Variants in PLAT observed in about 807,000 individuals in gnomAD.
PLAT encodes plasminogen activator, tissue type.
A neutral mutation model predicts 74.9 loss-of-function variants in PLAT; 48 were observed. The ratio of observed to expected loss-of-function variants is 0.64; its 90% CI spans 0.51 to 0.82. The LOEUF is 0.82. Ranked by LOEUF, PLAT falls within the 40% of genes least tolerant of loss-of-function variation. The pLI is 0.00. For missense variants in PLAT, 673 were observed against 736.2 expected (o/e 0.91, Z 0.99); for synonymous variants, 307 against 294.4 (o/e 1.04, Z -0.44).
rs769304040 is a variant in PLAT at position 42,191,231 on chromosome 8, G to GTC, written c.115+140_115+141insGA. The stretch of plus-strand genomic sequence containing the variant: ...GAATGGTGCCGACACAGGCATCTCT[G>GTC]TAGAATCATGCTGCAATGGCACTGT... On this transcript the variant is annotated intron_variant, in intron 3 of 13. Coordinates refer to ENST00000220809, the MANE Select transcript of PLAT (RefSeq NM_000930.5). 1.5e-4 allele frequency: 111 copies of GTC among 725,482 alleles called. 1 individual carries two copies. The Middle Eastern group carries it at 3.4e-3, about 22-fold the overall frequency. The allele number at this position is 725,482 out of a possible 1,614,324, so 44.9% of individuals were successfully genotyped here.
intron 1 of PLAT, chr8:42,193,525 A>C: frequency 2.1e-5 from 5 of 233,954 alleles, no homozygotes; most frequent in Non-Finnish European, 3.4e-5. Context: ...CCTAACTGAA[A>C]CTCTGTAGCC....
chr8:42,180,416 TG>T, intron 10 of PLAT, 38 bp from the exon 11 acceptor site: 1 of 1,613,942 alleles, frequency 6.2e-7, no homozygotes, highest in Non-Finnish European at 8.5e-7. Flanking sequence ...TTTTTTGCTG[TG>T]GGATTTCCCC....
intron 1 of PLAT, among the ~76,000 whole-genome samples, chr8:42,203,986 TATATATACAC>T (rs1448628237): frequency 3.3e-5 from 4 of 120,054 alleles, no homozygotes; most frequent in African/African-American, 2.2e-4. Flanking sequence ...TATATATATA[TATATATACAC>T]ACACACACAC....
Position 42,203,037 on chromosome 8 carries a change from G to A in PLAT, c.-27+4457C>T, listed in dbSNP as rs1806195498. ...CTCTTCTGCCAGGGTGTCCTGGGAG[G>A]ACGTGTGCTTTGGAATCTCTGAGTG... On this transcript the variant is annotated intron_variant, in intron 1 of 13. Transcript: ENST00000220809. Among the ~76,000 whole-genome samples the A allele has an allele frequency of 1.3e-5, 2 of 152,186 alleles. 1 individual carries two copies. The highest frequency in any genetic ancestry group is 4.1e-4 in the South Asian group (2 of 4,822).
intron 5 of PLAT, 97 bp downstream of exon 5, chr8:42,187,809 C>G: frequency 1.1e-6 from 1 of 914,014 alleles, no homozygotes; most frequent in Non-Finnish European, 1.8e-6. Flanking sequence ...TGGCCCCCAC[C>G]CCTGGCCCTG....
At chr8:42,189,877 G>T (rs2129758099) in intron 3 of PLAT, among the ~76,000 whole-genome samples, 1 of 151,484 alleles carries the variant, frequency 6.6e-6, no homozygotes, top group African/African-American at 2.4e-5. Context: ...GGGGTTACAG[G>T]CATGAGCCAC....
At chr8:42,187,711 C>T in intron 5 of PLAT, 139 bp from the exon 6 acceptor site, 1 of 867,572 alleles carries the variant, frequency 1.2e-6, no homozygotes, top group Non-Finnish European at 1.7e-6. Flanking sequence ...GGCAAGGGTG[C>T]CAGCCTGGAT....
At chr8:42,204,816 G>A (rs1310345695) in intron 1 of PLAT, among the ~76,000 whole-genome samples, 2 of 151,170 alleles carry the variant, frequency 1.3e-5, no homozygotes, top group African/African-American at 4.9e-5. Context: ...TCAGGAGTTC[G>A]AGACCAGCCT....
intron 4 of PLAT, 104 bp downstream of exon 4, chr8:42,188,830 G>C: frequency 1.1e-6 from 1 of 926,962 alleles, no homozygotes; most frequent in Non-Finnish European, 1.7e-6. Flanking sequence ...TGCTATGTTT[G>C]CCCAGATTGG....
rs1174453115 is a variant in PLAT at position 42,187,575 on chromosome 8, G to T, written c.365-3C>A. 3 of 1,589,036 alleles carry T rather than the reference G, an allele frequency of 1.9e-6. No individual in the cohort carries two copies. The Admixed American group carries it at 5.1e-5, about 27-fold the overall frequency. ...CTCGTAGCACGTGGCCCTGGTATCT[G>T]ACAGAGAGCAGGGCATGGATGCCTC... On this transcript the variant is annotated splice_region_variant and splice_polypyrimidine_tract_variant and intron_variant, in intron 5 of 13. Coordinates refer to ENST00000220809, the MANE Select transcript of PLAT (RefSeq NM_000930.5).
chr8:42,177,679 A>G (rs1344109608), intron 13 of PLAT, among the ~76,000 whole-genome samples: 2 of 152,250 alleles, frequency 1.3e-5, no homozygotes, highest in East Asian at 3.8e-4. Flanking sequence ...ATTGAATTAA[A>G]ATGATTTGGT....
intron 6 of PLAT, 169 bp downstream of exon 6, chr8:42,187,229 T>C (rs1805513993): frequency 1.9e-6 from 1 of 524,496 alleles, no homozygotes; most frequent in African/African-American, 1.9e-5. Context: ...CTATCATCTA[T>C]CAATCTATCA....
Position 42,175,910 on chromosome 8 carries a change from A to G in PLAT, c.*83T>C. On this transcript the variant is annotated 3_prime_UTR_variant, in exon 14 of 14. Transcript: ENST00000220809. The stretch of plus-strand genomic sequence containing the variant: ...GTGTGGTGGGTCTGGAGAAGTCTGT[A>G]GAGAAGCACTGCGCCTTTGCAGTGT... The G allele has an allele frequency of 7.1e-7, 1 of 1,399,220 alleles. No individual in the cohort carries two copies. The highest frequency in any genetic ancestry group is 1.4e-5 in the African/African-American group (1 of 71,064). 86.7% of individuals were successfully genotyped at this position (1,399,220 alleles called of 1,614,324 possible).
rs1805596434 is a variant in PLAT, at chr8:42,189,179, A to T, written c.116-108T>A. ...CCCTCACTTGCTTTCTATAGACTCC[A>T]TTGCATACTCCCTTATTGAAGAGAC... On this transcript the variant is annotated intron_variant, in intron 3 of 13. Coordinates refer to ENST00000220809, the MANE Select transcript of PLAT (RefSeq NM_000930.5). The T allele has an allele frequency of 2.4e-5, 26 of 1,068,964 alleles. No homozygotes were observed. The South Asian group carries it at 3.4e-4, about 14-fold the overall frequency. The allele number at this position is 1,068,964 out of a possible 1,614,324, so 66.2% of individuals were successfully genotyped here.
chr8:42,203,992 T>TATATATATATATATATATACACACAC (rs1554499838), intron 1 of PLAT, among the ~76,000 whole-genome samples: 41 of 109,828 alleles, frequency 3.7e-4, no homozygotes, highest in African/African-American at 1.9e-3. Context: ...TATATATATA[T>TATATATATATATATATATACACACAC]ACACACACAC....
Position 42,180,079 on chromosome 8 carries a change from AAGG to A in PLAT, c.1223-16_1223-14del, listed in dbSNP as rs755692790. On this transcript the variant is annotated splice_polypyrimidine_tract_variant and intron_variant, in intron 11 of 13. Transcript: ENST00000220809. Reference sequence around the variant, plus strand: ...AGCTGCAGCAGCGCTGGGAGGGAGAAAGGAGGAGTGAGCTGGCGTGAGGGCCGC... The same window carrying A: ...AGCTGCAGCAGCGCTGGGAGGGAGAAAGGAGTGAGCTGGCGTGAGGGCCGC... The A allele has an allele frequency of 1.2e-5, 20 of 1,601,236 alleles. No homozygotes were observed. Among genetic ancestry groups the A allele is most frequent in the Admixed American group, 5.1e-5 (3 of 59,318 alleles).
intron 1 of PLAT, among the ~76,000 whole-genome samples, chr8:42,199,647 TG>T (rs1472451463): frequency 4.0e-5 from 6 of 151,858 alleles, no homozygotes. Context: ...TTTGGAGGAG[TG>T]GGGAATTTTG....
At chr8:42,182,194 G>T (rs977630612) in intron 8 of PLAT, 172 bp from the exon 9 acceptor site, 23 of 509,874 alleles carry the variant, frequency 4.5e-5, no homozygotes, top group Non-Finnish European at 7.5e-5. Flanking sequence ...ACCACACCAG[G>T]CCAGGAGTTT....
chr8:42,187,070 GTATC>G (rs374181896), intron 6 of PLAT: 27 of 221,566 alleles, frequency 1.2e-4, no homozygotes, highest in African/African-American at 5.2e-4. Flanking sequence ...TATCATCTAT[GTATC>G]TATCATCTAT....
Sources: gnomAD v4.1 joint callset for allele counts (sites outside exome capture counted in the v4.1 genomes callset) on GRCh38, gnomAD v4.1.1 for gene constraint, MANE v1.5 for transcripts, NCBI Gene and HGNC (gene_info 2026-07-23, HGNC 2026-07-21) for gene names.